Variants in RBFOX1 observed in about 807,000 individuals in gnomAD.
The protein encoded by RBFOX1 is RNA binding protein fox-1 homolog 1.
A neutral mutation model predicts 57.7 loss-of-function variants in RBFOX1; 8 were observed. That is an observed-to-expected ratio of 0.14 (90% confidence interval 0.08 to 0.25). RBFOX1 has a LOEUF of 0.25. Among genes scored for constraint, RBFOX1 ranks in the 10% least tolerant of loss-of-function variants. The pLI is 1.00. For synonymous variants in RBFOX1, 326 were observed against 222.4 expected, an observed-to-expected ratio of 1.47 and a Z score of -4.15; for missense variants, 611 against 548.5, an observed-to-expected ratio of 1.11 and a Z score of -1.14.
intron 1 of RBFOX1, among the ~76,000 whole-genome samples, chr16:6,247,845 C>T (rs2097577725): frequency 6.6e-6 from 1 of 152,200 alleles, no homozygotes; most frequent in Non-Finnish European, 1.5e-5. Context: ...CCTTATTTCT[C>T]TGGCTCTGAT....
At position 6,766,854 on chromosome 16, in the gene RBFOX1, A is replaced by G. The variant is rs1164754277; in HGVS notation, c.-16+112204A>G. Among the ~76,000 whole-genome samples, 7 of 152,026 alleles carry G rather than the reference A, an allele frequency of 4.6e-5. No individual in the cohort carries two copies. In the East Asian group the frequency reaches 1.4e-3, roughly 29 times the overall value. On this transcript the variant is annotated intron_variant, in intron 3 of 15. Transcript: ENST00000550418. The stretch of plus-strand genomic sequence containing the variant: ...AGGATGGGAGGGGATCTGGGGAAGC[A>G]TGTTCTAAGCTGATGGAACAGCAAG...
chr16:6,019,063 T>C lies in RBFOX1; in HGVS notation c.-1056T>C. On this transcript the variant is annotated 5_prime_UTR_variant, in exon 1 of 16. Transcript: ENST00000550418. The surrounding 1 kb of genome is among the most constrained non-coding windows in gnomAD (Gnocchi z 4.2). Reference sequence around the variant, plus strand: ...TCCGCAGCCGGGGCTGCTCGCTGCTTGTCGCGCGCTCACACACACACAGAC... The same window carrying C: ...TCCGCAGCCGGGGCTGCTCGCTGCTCGTCGCGCGCTCACACACACACAGAC... 2 of 979,390 alleles carry C rather than the reference T, an allele frequency of 2.0e-6. No homozygotes were observed. The highest frequency in any genetic ancestry group is 2.4e-6 in the Non-Finnish European group (2 of 825,268). The allele number at this position is 979,390 out of a possible 1,614,324, so 60.7% of individuals were successfully genotyped here. A position where few individuals can be genotyped will look rare whatever the true frequency, so the allele number is the denominator to read the frequency against.
At chr16:7,352,428 G>C (rs183800585) in intron 4 of RBFOX1, among the ~76,000 whole-genome samples, 4 of 152,272 alleles carry the variant, frequency 2.6e-5, no homozygotes, top group Non-Finnish European at 4.4e-5. Context: ...GTGGGAATGC[G>C]TAGCTATTGC....
intron 1 of RBFOX1, among the ~76,000 whole-genome samples, chr16:5,364,815 A>G (rs984896875): frequency 5.9e-5 from 9 of 152,108 alleles, no homozygotes; most frequent in Non-Finnish European, 1.0e-4. Flanking sequence ...GGGACCAGCT[A>G]TGGGGCTTGG....
intron 2 of RBFOX1, among the ~76,000 whole-genome samples, chr16:6,328,512 G>A (rs766626369): frequency 6.2e-4 from 95 of 152,202 alleles, no homozygotes; most frequent in Non-Finnish European, 1.1e-3. Flanking sequence ...TAGACCCTAT[G>A]GGTCACATCT....
chr16:6,732,361 C>G (rs1409900118), intron 3 of RBFOX1, among the ~76,000 whole-genome samples: 6 of 152,214 alleles, frequency 3.9e-5, no homozygotes, highest in Non-Finnish European at 8.8e-5. Context: ...CTGACAGATG[C>G]AGCATTCCTT....
chr16:6,976,857 A>G (rs2087036724), intron 3 of RBFOX1, among the ~76,000 whole-genome samples: 1 of 23,830 alleles, frequency 4.2e-5, no homozygotes, highest in Non-Finnish European at 6.9e-5. Context: ...TGTATATCAC[A>G]TATATATCAC....
intron 2 of RBFOX1, among the ~76,000 whole-genome samples, chr16:5,488,642 A>G (rs199567716): frequency 3.6e-5 from 2 of 54,954 alleles, no homozygotes; most frequent in Non-Finnish European, 9.4e-5. Flanking sequence ...TATAGTGATG[A>G]TGGTGATGAT....
At chr16:6,106,798 G>C (rs2096385745) in intron 1 of RBFOX1, among the ~76,000 whole-genome samples, 1 of 152,090 alleles carries the variant, frequency 6.6e-6, no homozygotes, top group African/African-American at 2.4e-5. Context: ...CTCCCAAGTA[G>C]CTGGGACCAC....
intron 2 of RBFOX1, among the ~76,000 whole-genome samples, chr16:6,419,469 C>T (rs1295194834): frequency 6.6e-6 from 1 of 152,156 alleles, no homozygotes; most frequent in African/African-American, 2.4e-5. Context: ...CAAGACAGTG[C>T]TAAGAAAGGA....
At chr16:5,902,065 C>G (rs187587432) in intron 4 of RBFOX1, among the ~76,000 whole-genome samples, 1 of 152,306 alleles carries the variant, frequency 6.6e-6, no homozygotes, top group Non-Finnish European at 1.5e-5. Flanking sequence ...ATGCATGTTT[C>G]TTGAATGAAT....
At chr16:7,114,872 G>C (rs1322469219) in intron 4 of RBFOX1, among the ~76,000 whole-genome samples, 1 of 152,196 alleles carries the variant, frequency 6.6e-6, no homozygotes, top group African/African-American at 2.4e-5. Context: ...CACACTGTGT[G>C]TTGCTTGGCT....
chr16:7,106,015 G>A (rs1056452755), intron 4 of RBFOX1, among the ~76,000 whole-genome samples: 20 of 152,248 alleles, frequency 1.3e-4, no homozygotes, highest in African/African-American at 4.8e-4. Flanking sequence ...ATTTCTTACA[G>A]CACAACTCTC....
intron 4 of RBFOX1, among the ~76,000 whole-genome samples, chr16:7,204,292 A>T (rs1379928406): frequency 6.6e-6 from 1 of 152,174 alleles, no homozygotes; most frequent in African/African-American, 2.4e-5. Flanking sequence ...TGTGTATCCC[A>T]TTTTAATCTG....
intron 2 of RBFOX1, among the ~76,000 whole-genome samples, chr16:6,479,590 A>G (rs1385706004): frequency 6.6e-6 from 1 of 152,040 alleles, no homozygotes; most frequent in African/African-American, 2.4e-5. Flanking sequence ...GCTGTCTCAA[A>G]AAAGAAAAAG....
At chr16:6,241,585 G>T (rs2097540261) in intron 1 of RBFOX1, among the ~76,000 whole-genome samples, 1 of 152,170 alleles carries the variant, frequency 6.6e-6, no homozygotes, top group African/African-American at 2.4e-5. Context: ...CTCCTGAAAT[G>T]AACAGCCTGT....
chr16:6,186,730 C>A (rs1383711934), intron 1 of RBFOX1, among the ~76,000 whole-genome samples: 1 of 152,122 alleles, frequency 6.6e-6, no homozygotes, highest in Non-Finnish European at 1.5e-5. Context: ...ATGACGTTGA[C>A]CTTGCCTCTA....
intron 3 of RBFOX1, among the ~76,000 whole-genome samples, chr16:6,739,888 G>A (rs2071536637): frequency 6.6e-6 from 1 of 151,942 alleles, no homozygotes; most frequent in Non-Finnish European, 1.5e-5. Context: ...AGAATAAAAC[G>A]TGGTGGTCCA....
At chr16:7,104,879 A>G (rs1310816644) in intron 4 of RBFOX1, among the ~76,000 whole-genome samples, 1 of 152,158 alleles carries the variant, frequency 6.6e-6, no homozygotes, top group Non-Finnish European at 1.5e-5. Flanking sequence ...AAAGTCCAAG[A>G]GATGGATCTC....
Sources: gnomAD v4.1 joint callset for allele counts (sites outside exome capture counted in the v4.1 genomes callset) on GRCh38, gnomAD v4.1.1 for gene constraint, Gnocchi (gnomAD v3.1) non-coding constraint, MANE v1.5 for transcripts, NCBI Gene and HGNC (gene_info 2026-07-23, HGNC 2026-07-21) for gene names.